TVP23C: variants seen among roughly 807,000 people sequenced by gnomAD.
TVP23C encodes the protein trans-golgi network vesicle protein 23 homolog C, also known as Golgi apparatus membrane protein TVP23 homolog C.
In TVP23C, 19 loss-of-function variants were observed where a neutral mutation model predicts 28.7. The observed-to-expected ratio is 0.66, with a 90% confidence interval of 0.46 to 0.97. The LOEUF is 0.97. TVP23C is among the 50% of genes least tolerant of loss of function. TVP23C has a pLI of 0.00. For missense variants in TVP23C, 186 were observed against 241.3 expected (o/e 0.77, Z 1.52); for synonymous variants, 68 against 81.7 (o/e 0.83, Z 0.90).
At chr17:15,518,495 G>A (rs1489746462) in intron 5 of TVP23C, among the ~76,000 whole-genome samples, 1 of 152,200 alleles carries the variant, frequency 6.6e-6, no homozygotes, top group African/African-American at 2.4e-5. Context: ...GAAAGCAGAT[G>A]ACAGCTGGGC....
intron 5 of TVP23C, among the ~76,000 whole-genome samples, chr17:15,511,179 AC>A (rs891215094): frequency 3.3e-5 from 5 of 152,132 alleles, no homozygotes; most frequent in African/African-American, 1.2e-4. Flanking sequence ...AATCACAGGT[AC>A]CCGGTCTACA....
chr17:15,542,394 G>A (rs1440890568), intron 5 of TVP23C, among the ~76,000 whole-genome samples: 4 of 152,202 alleles, frequency 2.6e-5, no homozygotes, highest in Non-Finnish European at 5.9e-5. Context: ...GAGGAGGTGG[G>A]AGACTCATGG....
chr17:15,514,522 T>G (rs1457573495), intron 5 of TVP23C, among the ~76,000 whole-genome samples: 1 of 151,984 alleles, frequency 6.6e-6, no homozygotes, highest in Admixed American at 6.5e-5. Flanking sequence ...AAACTGTATG[T>G]GACAGAAAAC....
chr17:15,521,994 A>G (rs1982501043), intron 5 of TVP23C, among the ~76,000 whole-genome samples: 1 of 152,198 alleles, frequency 6.6e-6, no homozygotes, highest in South Asian at 2.1e-4. Flanking sequence ...GACATACATT[A>G]TATCTGCTCA....
At chr17:15,558,061 C>CA (rs1331431407) in intron 1 of TVP23C, among the ~76,000 whole-genome samples, 2 of 148,946 alleles carry the variant, frequency 1.3e-5, no homozygotes, top group African/African-American at 4.9e-5. Context: ...AACAAACAAA[C>CA]AAAAAAAGGC....
chr17:15,514,330 A>G (rs1426610806), intron 5 of TVP23C, among the ~76,000 whole-genome samples: 1 of 151,718 alleles, frequency 6.6e-6, no homozygotes, highest in Admixed American at 6.5e-5. Flanking sequence ...CAGACACTCA[A>G]TCTTTAAAAA....
intron 5 of TVP23C, among the ~76,000 whole-genome samples, chr17:15,510,112 A>G (rs572391377): frequency 1.3e-5 from 2 of 152,222 alleles, no homozygotes; most frequent in East Asian, 1.9e-4. Flanking sequence ...GTGTCTCTGC[A>G]TCGCCCATGT....
chr17:15,510,059 A>C (rs1044330596), intron 5 of TVP23C, among the ~76,000 whole-genome samples: 1 of 151,374 alleles, frequency 6.6e-6, no homozygotes, highest in Non-Finnish European at 1.5e-5. Flanking sequence ...AAAACAGCAA[A>C]AGTGCTACTT....
intron 1 of TVP23C, among the ~76,000 whole-genome samples, chr17:15,558,089 CCT>C (rs1181907641): frequency 6.7e-6 from 1 of 149,352 alleles, no homozygotes; most frequent in Non-Finnish European, 1.5e-5. Flanking sequence ...TGGGTCCAGC[CCT>C]CAGTGGTTCA....
At position 15,531,442 on chromosome 17, in the gene TVP23C, T is replaced by G. The variant is rs137946009; in HGVS notation, c.462+14343A>C. 1.2e-3 allele frequency among the ~76,000 whole-genome samples: 188 copies of G among 152,344 alleles called. 1 individual carries two copies. Among genetic ancestry groups the G allele is most frequent in the Non-Finnish European group, 1.9e-3 (131 of 68,034 alleles). ...CTCCTTTAATGCGTATGTTGGTAAC[T>G]TGATAAAATGCCACAGATCCCTCAA... On this transcript the variant is annotated intron_variant, in intron 5 of 5. Coordinates refer to the TVP23C transcript ENST00000225576.
rs566131612 is a variant in TVP23C at position 15,554,526 on chromosome 17, C to A, written c.96-697G>T. On this transcript the variant is annotated intron_variant, in intron 2 of 5. Coordinates refer to ENST00000518321, the MANE Select transcript of TVP23C (RefSeq NM_001135036.2). ...TGCTGGGATTACAGGCGTGAGCCAT[C>A]GCGCCCAGCCTGTTTCTTGTTTTTT... 6.6e-5 allele frequency among the ~76,000 whole-genome samples: 10 copies of A among 152,282 alleles called. No homozygotes were observed. The South Asian group carries it at 8.3e-4, about 13-fold the overall frequency.
intron 5 of TVP23C, among the ~76,000 whole-genome samples, chr17:15,504,565 G>C (rs907028470): frequency 2.1e-5 from 3 of 139,922 alleles, no homozygotes; most frequent in African/African-American, 8.8e-5. Flanking sequence ...TTTTAATAAA[G>C]ACAATTTTTT....
chr17:15,510,416 C>A (rs1456144340), intron 5 of TVP23C, among the ~76,000 whole-genome samples: 1 of 151,656 alleles, frequency 6.6e-6, no homozygotes, highest in Non-Finnish European at 1.5e-5. Flanking sequence ...CAGAGAGATG[C>A]AAGTCAAAAC....
At chr17:15,533,472 C>T (rs1170099035), downstream of TVP23C, among the ~76,000 whole-genome samples, 3 of 152,212 alleles carry the variant, frequency 2.0e-5, no homozygotes, top group Non-Finnish European at 4.4e-5. Context: ...AAGACTACAA[C>T]CTTCCCTCAC....
At chr17:15,503,181 C>G in exon 6 of TVP23C, 5 of 1,577,130 alleles carry the variant, frequency 3.2e-6, no homozygotes, top group Non-Finnish European at 4.3e-6. Flanking sequence ...GCGGGAGGAT[C>G]TCTTGAGCCC....
At chr17:15,551,265 ATT>A (rs1258749974) in intron 3 of TVP23C, among the ~76,000 whole-genome samples, 6 of 115,314 alleles carry the variant, frequency 5.2e-5, no homozygotes, top group Admixed American at 9.2e-5. Context: ...TGCCCGGCTC[ATT>A]TTTTTTTTTT....
Position 15,506,868 on chromosome 17 carries a change from G to A in TVP23C, c.463-3636C>T, listed in dbSNP as rs189359597. On this transcript the variant is annotated intron_variant, in intron 5 of 5. Transcript: ENST00000225576. ...CCCACTAGAACACACTATCAGCCGT[G>A]GTCAACCCCACCATGTTCTTCAACA... 1.1e-5 allele frequency: 8 copies of A among 729,530 alleles called. No homozygotes were observed. In the Admixed American group the frequency reaches 1.1e-4, roughly 10 times the overall value. The allele number at this position is 729,530 out of a possible 1,614,324, so 45.2% of individuals were successfully genotyped here. A position where few individuals can be genotyped will look rare whatever the true frequency, so the allele number is the denominator to read the frequency against.
intron 5 of TVP23C, among the ~76,000 whole-genome samples, chr17:15,511,657 T>A (rs906127217): frequency 1.3e-5 from 2 of 152,210 alleles, no homozygotes; most frequent in Non-Finnish European, 2.9e-5. Flanking sequence ...CCAGTCCTTA[T>A]CCTTCCTTCA....
intron 5 of TVP23C, among the ~76,000 whole-genome samples, chr17:15,524,433 TAAGG>T (rs1252569908): frequency 6.6e-6 from 1 of 152,122 alleles, no homozygotes; most frequent in Non-Finnish European, 1.5e-5. Context: ...CTGTAAATTC[TAAGG>T]AAGGGGGTTA....
Sources: gnomAD v4.1 joint callset for allele counts (sites outside exome capture counted in the v4.1 genomes callset) on GRCh38, gnomAD v4.1.1 for gene constraint, MANE v1.5 for transcripts, NCBI Gene and HGNC (gene_info 2026-07-23, HGNC 2026-07-21) for gene names.